The following ROR1 variants were observed in gnomAD, a reference collection of about 807,000 sequenced individuals.
ROR1 encodes the protein ROR family WNT receptor 1.
In ROR1, 19 loss-of-function variants were observed where a neutral mutation model predicts 78.8. The observed-to-expected ratio is 0.24, with a 90% CI of 0.17 to 0.35. The LOEUF (loss-of-function observed/expected upper bound fraction) is 0.35. ROR1 is among the 10% of genes least tolerant of loss of function. The pLI is 1.00. For missense variants in ROR1, 917 were observed against 1,177.8 expected (o/e 0.78, Z 3.24); for synonymous variants, 386 against 433.6 (o/e 0.89, Z 1.36).
intron 1 of ROR1, among the ~76,000 whole-genome samples, chr1:63,880,899 G>C (rs1276397978): frequency 2.0e-5 from 3 of 152,072 alleles, no homozygotes; most frequent in Admixed American, 2.0e-4. Context: ...TATAGCACTA[G>C]GAATTCTTTA....
At chr1:63,912,487 T>G (rs1442176693) in intron 1 of ROR1, among the ~76,000 whole-genome samples, 1 of 152,008 alleles carries the variant, frequency 6.6e-6, no homozygotes, top group Non-Finnish European at 1.5e-5. Context: ...GCTATTGCCA[T>G]TTAGGTCGGA....
At position 63,867,032 on chromosome 1, in the gene ROR1, AGC is replaced by A. The variant is rs528916927; in HGVS notation, c.91+92525_91+92526del. ...ATTAATCTAGCTACAGTGTTTGTACAGCCAGCTATGCAGCTGAAGGCTGCCAT... is the reference window on the plus strand; with the variant it reads ...ATTAATCTAGCTACAGTGTTTGTACACAGCTATGCAGCTGAAGGCTGCCAT... On this transcript the variant is annotated intron_variant, in intron 1 of 8. Coordinates refer to ENST00000371079, the MANE Select transcript of ROR1 (RefSeq NM_005012.4). Among the ~76,000 whole-genome samples the A allele has an allele frequency of 3.6e-3, 548 of 152,352 alleles. 2 individuals are homozygous for A. Among genetic ancestry groups the A allele is most frequent in the African/African-American group, 0.013 (528 of 41,584 alleles).
chr1:63,775,722 C>T lies in ROR1; in HGVS notation c.91+1214C>T, dbSNP rs1418221259. ...GCTGACTTTCTTGGTAGAAAACACA[C>T]TCTGGAAGGAAGTTGTGTGAAATTT... On this transcript the variant is annotated intron_variant, in intron 1 of 8. Transcript: ENST00000371079. Among the ~76,000 whole-genome samples the T allele has an allele frequency of 2.6e-5, 4 of 152,312 alleles. No homozygotes were observed. In the East Asian group the frequency reaches 7.7e-4, roughly 29 times the overall value.
chr1:64,041,459 C>A (rs779013952), intron 2 of ROR1, among the ~76,000 whole-genome samples: 1 of 152,140 alleles, frequency 6.6e-6, no homozygotes, highest in Non-Finnish European at 1.5e-5. Flanking sequence ...TTAAAATAAG[C>A]CTCTAAGTAG....
At chr1:63,932,960 C>G (rs2100446578) in intron 1 of ROR1, among the ~76,000 whole-genome samples, 1 of 152,242 alleles carries the variant, frequency 6.6e-6, no homozygotes, top group African/African-American at 2.4e-5. Flanking sequence ...TGTCTGACAG[C>G]CCTTTATCTC....
intron 1 of ROR1, among the ~76,000 whole-genome samples, chr1:63,894,806 G>A (rs1403340425): frequency 6.6e-6 from 1 of 152,186 alleles, no homozygotes; most frequent in East Asian, 1.9e-4. Flanking sequence ...GTTTTCATTT[G>A]AGTTGGCCAT....
chr1:63,894,231 G>T (rs1645422151), intron 1 of ROR1, among the ~76,000 whole-genome samples: 1 of 152,102 alleles, frequency 6.6e-6, no homozygotes, highest in South Asian at 2.1e-4. Context: ...GATGGCCCAA[G>T]ATTTCATTAT....
intron 1 of ROR1, among the ~76,000 whole-genome samples, chr1:63,908,358 G>C (rs1645544072): frequency 6.6e-6 from 1 of 152,164 alleles, no homozygotes; most frequent in African/African-American, 2.4e-5. Flanking sequence ...ATGACCCACA[G>C]GCTCAGATCT....
At chr1:63,880,598 A>G (rs564893176) in intron 1 of ROR1, among the ~76,000 whole-genome samples, 18 of 152,314 alleles carry the variant, frequency 1.2e-4, no homozygotes, top group African/African-American at 3.6e-4. Context: ...CTCTGCCTGT[A>G]AAAGAATCTG....
chr1:63,884,490 A>G (rs1433947524), intron 1 of ROR1, among the ~76,000 whole-genome samples: 1 of 152,202 alleles, frequency 6.6e-6, no homozygotes, highest in African/African-American at 2.4e-5. Flanking sequence ...GAAACAAAGG[A>G]CTAAAGAGGT....
At chr1:64,160,388 C>A (rs900841847) in intron 8 of ROR1, among the ~76,000 whole-genome samples, 11 of 151,380 alleles carry the variant, frequency 7.3e-5, no homozygotes, top group African/African-American at 2.4e-4. Context: ...TCCTTAAATG[C>A]TAAAAATTCA....
intron 1 of ROR1, among the ~76,000 whole-genome samples, chr1:63,803,233 C>T (rs1026616312): frequency 2.0e-5 from 3 of 152,022 alleles, no homozygotes; most frequent in South Asian, 4.2e-4. Flanking sequence ...TTACAGATTT[C>T]GGTGGCTCCT....
intron 4 of ROR1, among the ~76,000 whole-genome samples, chr1:64,050,974 A>C (rs188212805): frequency 1.3e-5 from 2 of 152,316 alleles, no homozygotes; most frequent in East Asian, 3.9e-4. Flanking sequence ...TTTAGAAGGA[A>C]TCTAACATTT....
intron 1 of ROR1, among the ~76,000 whole-genome samples, chr1:63,796,669 C>T (rs931960486): frequency 2.0e-5 from 3 of 152,174 alleles, no homozygotes; most frequent in Non-Finnish European, 4.4e-5. Context: ...CAGGCACAAG[C>T]AGTCGTACAT....
At chr1:63,796,643 G>T (rs1215723451) in intron 1 of ROR1, among the ~76,000 whole-genome samples, 1 of 152,146 alleles carries the variant, frequency 6.6e-6, no homozygotes, top group Non-Finnish European at 1.5e-5. Context: ...TGAGAAAAAA[G>T]GTTTAAAGGC....
At chr1:64,005,102 G>T (rs954603669) in intron 1 of ROR1, among the ~76,000 whole-genome samples, 1 of 152,200 alleles carries the variant, frequency 6.6e-6, no homozygotes, top group South Asian at 2.1e-4. Flanking sequence ...GAAATGCAGT[G>T]TCTTTCTAAG....
At chr1:64,041,629 T>C (rs1201340905) in intron 2 of ROR1, among the ~76,000 whole-genome samples, 1 of 152,176 alleles carries the variant, frequency 6.6e-6, no homozygotes, top group Non-Finnish European at 1.5e-5. Context: ...AATGTGTGTG[T>C]GTTCTCTCCC....
intron 1 of ROR1, among the ~76,000 whole-genome samples, chr1:63,938,960 C>T (rs568843402): frequency 3.8e-4 from 58 of 152,120 alleles, no homozygotes; most frequent in African/African-American, 1.3e-3. Flanking sequence ...ATTGTGCCAC[C>T]GCACTGCAGC....
At chr1:63,887,091 G>T (rs955632539) in intron 1 of ROR1, among the ~76,000 whole-genome samples, 14 of 152,170 alleles carry the variant, frequency 9.2e-5, no homozygotes, top group African/African-American at 3.4e-4. Flanking sequence ...GGCCTATGTG[G>T]GTGGCTTGCA....
Sources: gnomAD v4.1 joint callset for allele counts (sites outside exome capture counted in the v4.1 genomes callset) on GRCh38, gnomAD v4.1.1 for gene constraint, MANE v1.5 for transcripts, NCBI Gene and HGNC (gene_info 2026-07-23, HGNC 2026-07-21) for gene names.